Variants in THSD7B observed in about 807,000 individuals in gnomAD.
THSD7B encodes the protein thrombospondin type-1 domain-containing protein 7B.
A neutral mutation model predicts 213.6 loss-of-function variants in THSD7B; 138 were observed. The ratio of observed to expected loss-of-function variants is 0.65; its 90% CI spans 0.56 to 0.74. The LOEUF is 0.74. Among genes scored for constraint, THSD7B ranks in the 30% least tolerant of loss-of-function variants. The pLI, the probability that THSD7B is intolerant of heterozygous loss-of-function variation, is 0.00. For missense variants in THSD7B, 1,931 were observed against 1,991.5 expected (o/e 0.97, Z 0.58); for synonymous variants, 742 against 687.0 (o/e 1.08, Z -1.25).
At chr2:137,499,877 G>C (rs577943493) in intron 15 of THSD7B, among the ~76,000 whole-genome samples, 2 of 152,112 alleles carry the variant, frequency 1.3e-5, no homozygotes, top group Admixed American at 1.3e-4. Flanking sequence ...ATGAGGGCAG[G>C]CAATACAGTC....
intron 12 of THSD7B, among the ~76,000 whole-genome samples, chr2:137,276,987 A>C (rs567760207): frequency 1.7e-4 from 26 of 152,094 alleles, no homozygotes; most frequent in Non-Finnish European, 3.7e-4. Flanking sequence ...CACTTTCTTA[A>C]GACATTTTAC....
intron 1 of THSD7B, among the ~76,000 whole-genome samples, chr2:136,829,382 A>T (rs1682713489): frequency 6.6e-6 from 1 of 152,000 alleles, no homozygotes; most frequent in Admixed American, 6.6e-5. Flanking sequence ...GAGAGGTGGG[A>T]GTAGAACCAT....
intron 5 of THSD7B, among the ~76,000 whole-genome samples, chr2:137,131,350 G>C (rs184464990): frequency 6.8e-4 from 104 of 152,196 alleles, no homozygotes; most frequent in Admixed American, 2.1e-3. Flanking sequence ...TCTGATGATA[G>C]TTTCTTTTGC....
At chr2:137,507,696 CT>C (rs1327843313) in intron 15 of THSD7B, among the ~76,000 whole-genome samples, 1 of 151,976 alleles carries the variant, frequency 6.6e-6, no homozygotes, top group Admixed American at 6.6e-5. Context: ...TTTTCTTCCT[CT>C]TTTTCTTTCT....
intron 3 of THSD7B, among the ~76,000 whole-genome samples, chr2:137,067,854 A>G (rs1356238843): frequency 6.6e-6 from 1 of 152,072 alleles, no homozygotes; most frequent in East Asian, 1.9e-4. Flanking sequence ...AAACATGAAG[A>G]AAATTTTTTC....
At chr2:137,553,439 A>G (rs1308965686) in intron 15 of THSD7B, among the ~76,000 whole-genome samples, 1 of 152,150 alleles carries the variant, frequency 6.6e-6, no homozygotes, top group East Asian at 1.9e-4. Flanking sequence ...AGAAAGCAGT[A>G]CTTAGTTAAA....
chr2:137,551,881 G>A (rs1680855127), intron 15 of THSD7B, among the ~76,000 whole-genome samples: 1 of 152,072 alleles, frequency 6.6e-6, no homozygotes, highest in South Asian at 2.1e-4. Context: ...GGCTTAAAAT[G>A]GACAGTTATC....
At chr2:136,998,275 AAAAAAAG>A (rs771765604) in intron 2 of THSD7B, among the ~76,000 whole-genome samples, 5 of 150,808 alleles carry the variant, frequency 3.3e-5, no homozygotes, top group Admixed American at 6.6e-5. Flanking sequence ...AAAAAAAAAA[AAAAAAAG>A]AAAGAAAAAA....
rs749105457 is a variant in THSD7B at position 137,094,998 on chromosome 2, C to T, written c.1076C>T (p.Pro359Leu). The change falls in exon 4 of 28, where the codon CCA becomes CTA. Residue 359 changes from proline to leucine, a missense_variant. By Grantham distance (98) the Pro-to-Leu change is moderately conservative. Coordinates refer to ENST00000409968, the MANE Select transcript of THSD7B (RefSeq NM_001316349.2). ...ACATGCCGTTCAGGGAGTCTCTTGC[C>T]AGGATTTAGGAGCAGGAGCCGGAAC... Reference protein sequence around the residue: ...SKTCRSGSLLPGFRSRSRNVK... With the variant: ...SKTCRSGSLLLGFRSRSRNVK... The T allele has an allele frequency of 1.2e-6, 2 of 1,613,794 alleles. No homozygotes were observed. Among genetic ancestry groups the T allele is most frequent in the Non-Finnish European group, 1.7e-6 (2 of 1,179,850 alleles).
intron 2 of THSD7B, among the ~76,000 whole-genome samples, chr2:136,928,470 A>G (rs1440575613): frequency 6.6e-6 from 1 of 152,160 alleles, no homozygotes; most frequent in Non-Finnish European, 1.5e-5. Flanking sequence ...CCTGTGTTTG[A>G]CATTATTGTA....
At chr2:137,220,774 A>G (rs1433892824) in intron 7 of THSD7B, among the ~76,000 whole-genome samples, 2 of 139,784 alleles carry the variant, frequency 1.4e-5, no homozygotes, top group Admixed American at 7.2e-5. Flanking sequence ...AAACAACCCA[A>G]AAGTCTTTAA....
At chr2:137,200,807 GC>G (rs1680859923) in intron 7 of THSD7B, among the ~76,000 whole-genome samples, 2 of 150,134 alleles carry the variant, frequency 1.3e-5, no homozygotes, top group African/African-American at 2.4e-5. Context: ...AGTAGCTGGG[GC>G]TACAGGCACA....
intron 5 of THSD7B, among the ~76,000 whole-genome samples, chr2:137,136,580 G>C (rs895478199): frequency 6.6e-6 from 1 of 152,140 alleles, no homozygotes; most frequent in East Asian, 1.9e-4. Flanking sequence ...GCTATGAAAG[G>C]CGTAAAGTTA....
intron 1 of THSD7B, among the ~76,000 whole-genome samples, chr2:136,871,807 G>A (rs1183255717): frequency 6.6e-6 from 1 of 152,164 alleles, no homozygotes; most frequent in East Asian, 1.9e-4. Flanking sequence ...GGTATAAGCT[G>A]TGTCAGAGCC....
intron 15 of THSD7B, among the ~76,000 whole-genome samples, chr2:137,479,305 G>T (rs1229836758): frequency 3.3e-5 from 5 of 152,182 alleles, no homozygotes; most frequent in African/African-American, 1.2e-4. Context: ...CAGGAGGAGT[G>T]CTCAGGTGTC....
At chr2:137,475,305 C>T (rs1190807532) in intron 15 of THSD7B, among the ~76,000 whole-genome samples, 1 of 152,144 alleles carries the variant, frequency 6.6e-6, no homozygotes, top group Non-Finnish European at 1.5e-5. Flanking sequence ...TATCCATTGC[C>T]TCAAGTATTT....
At chr2:137,401,496 T>C (rs1686359911) in intron 12 of THSD7B, among the ~76,000 whole-genome samples, 1 of 152,196 alleles carries the variant, frequency 6.6e-6, no homozygotes, top group Non-Finnish European at 1.5e-5. Context: ...TCATTTAACT[T>C]TTTAGTGTTT....
chr2:136,957,308 G>A (rs1411658799), intron 2 of THSD7B, among the ~76,000 whole-genome samples: 2 of 152,160 alleles, frequency 1.3e-5, no homozygotes, highest in African/African-American at 2.4e-5. Flanking sequence ...TGTGCATGCT[G>A]AGAATGAGCC....
intron 17 of THSD7B, among the ~76,000 whole-genome samples, chr2:137,580,622 T>G (rs752019852): frequency 3.9e-5 from 6 of 152,202 alleles, no homozygotes; most frequent in Non-Finnish European, 7.4e-5. Context: ...TTTCCTGGTA[T>G]ATTAGATTGT....
Sources: gnomAD v4.1 joint callset for allele counts (sites outside exome capture counted in the v4.1 genomes callset) on GRCh38, gnomAD v4.1.1 for gene constraint, MANE v1.5 for transcripts, NCBI Gene and HGNC (gene_info 2026-07-23, HGNC 2026-07-21) for gene names.